Variants in NGEF observed in about 807,000 individuals in gnomAD.
The protein encoded by NGEF is ephexin-1.
Under a neutral mutation model 80.9 loss-of-function variants are expected in NGEF, and 31 were observed. That is an observed-to-expected ratio of 0.38 (90% CI 0.29 to 0.52). The LOEUF (loss-of-function observed/expected upper bound fraction) is 0.52, where lower values mean the gene tolerates loss of function less well. NGEF is among the 20% of genes least tolerant of loss of function. The pLI is 0.84. For synonymous variants in NGEF, 371 were observed against 370.2 expected, an observed-to-expected ratio of 1.00 and a Z score of -0.03; for missense variants, 709 against 926.2, an observed-to-expected ratio of 0.77 and a Z score of 3.04.
At chr2:232,891,596 G>A (rs1691887134) in intron 7 of NGEF, 109 bp from the exon 8 acceptor site, 8 of 1,249,892 alleles carry the variant, frequency 6.4e-6, no homozygotes, top group Non-Finnish European at 7.7e-6. Context: ...CACGGGCTCA[G>A]AAAACATGTT....
rs898133901 is a variant in NGEF, at chr2:232,959,562, G to A, written c.383+10652C>T. Among the ~76,000 whole-genome samples, 21 of 149,822 alleles carry A rather than the reference G, an allele frequency of 1.4e-4. No homozygotes were observed. In the East Asian group the frequency reaches 3.2e-3, roughly 23 times the overall value. ...ACATGAGCCATTGGTGGCAATGGGC[G>A]ATTCCACAGCAATGACCTTTTTTTT... is the stretch of plus-strand genomic sequence containing the variant. On this transcript the variant is annotated intron_variant, in intron 3 of 14. Transcript: ENST00000264051.
At chr2:232,970,945 G>A (rs952847600) in intron 2 of NGEF, among the ~76,000 whole-genome samples, 8 of 152,176 alleles carry the variant, frequency 5.3e-5, no homozygotes, top group Non-Finnish European at 1.0e-4. Flanking sequence ...AAACCATAAC[G>A]ATTGGTGTTA....
rs527868467 is a variant in NGEF, at chr2:233,000,746, C to T, written c.-75+12322G>A. Among the ~76,000 whole-genome samples the T allele has an allele frequency of 5.6e-5, 8 of 143,854 alleles. 1 individual carries two copies. In the South Asian group the frequency reaches 6.6e-4, roughly 12 times the overall value. 94.4% of individuals were successfully genotyped at this position (143,854 alleles called of 152,430 possible). A position where few individuals can be genotyped will look rare whatever the true frequency, so the allele number is the denominator to read the frequency against. ...CTGCACTCCAGCTCGGGCGACAGAGCGAGACTCTGTCTCAAAAAAAAAAAA... is the reference window on the plus strand; with the variant it reads ...CTGCACTCCAGCTCGGGCGACAGAGTGAGACTCTGTCTCAAAAAAAAAAAA... On this transcript the variant is annotated intron_variant, in intron 1 of 14. Transcript: ENST00000264051.
At position 232,970,273 on chromosome 2, in the gene NGEF, C is replaced by A; in HGVS notation, c.324G>T (p.Trp108Cys). 6.2e-7 allele frequency: 1 copy of A among 1,606,028 alleles called. No homozygotes were observed. The highest frequency in any genetic ancestry group is 2.3e-5 in the East Asian group (1 of 44,048). ...VNEPLTLNIP[W>C]SRMPPCRTAM... The stretch of plus-strand genomic sequence containing the variant: ...CTGTTCTGCAAGGAGGCATTCTGCT[C>A]CAGGGGATATTCAAGGTCAGGGGCT... Residue 108 changes from tryptophan to cysteine, a missense_variant, in exon 3 of 15, where the codon TGG becomes TGT. Physicochemically the swap from Trp to Cys is radical, Grantham distance 215. Transcript: ENST00000264051.
intron 8 of NGEF, among the ~76,000 whole-genome samples, chr2:232,888,644 C>T (rs1385438800): frequency 6.6e-6 from 1 of 152,110 alleles, no homozygotes; most frequent in African/African-American, 2.4e-5. Flanking sequence ...GTGTGGCACC[C>T]AGCAGTGAGG....
intron 1 of NGEF, among the ~76,000 whole-genome samples, chr2:232,994,150 A>T (rs1574658204): frequency 6.6e-6 from 1 of 152,102 alleles, no homozygotes; most frequent in Non-Finnish European, 1.5e-5. Context: ...TGGGTGGATC[A>T]CTTGAGGTAC....
chr2:232,961,206 A>G (rs1000951476), intron 3 of NGEF, among the ~76,000 whole-genome samples: 14 of 152,140 alleles, frequency 9.2e-5, no homozygotes, highest in Admixed American at 7.9e-4. Context: ...TGAAGGCTCT[A>G]AATCATTAAT....
At chr2:232,994,950 T>C (rs1167693622) in intron 1 of NGEF, among the ~76,000 whole-genome samples, 2 of 116,500 alleles carry the variant, frequency 1.7e-5, no homozygotes, top group Non-Finnish European at 3.8e-5. Context: ...ACACATATAA[T>C]ACATACATAT....
intron 4 of NGEF, 133 bp from the exon 5 acceptor site, chr2:232,920,718 C>A: frequency 1.4e-6 from 1 of 703,290 alleles, no homozygotes. Context: ...CAAGCCAGCC[C>A]TGCACCCATC....
chr2:232,924,096 G>A (rs939360989), intron 4 of NGEF, among the ~76,000 whole-genome samples: 1 of 152,092 alleles, frequency 6.6e-6, no homozygotes, highest in African/African-American at 2.4e-5. Context: ...AATTAGCTGG[G>A]TGTGTTGGCA....
At chr2:232,886,194 CTG>C (rs891015177) in intron 9 of NGEF, among the ~76,000 whole-genome samples, 2 of 74,446 alleles carry the variant, frequency 2.7e-5, no homozygotes, top group Non-Finnish European at 5.7e-5. Flanking sequence ...GCCATGTGTG[CTG>C]TGTGTGCTAT....
At chr2:232,898,900 G>A (rs1018406569) in intron 5 of NGEF, among the ~76,000 whole-genome samples, 1 of 152,212 alleles carries the variant, frequency 6.6e-6, no homozygotes, top group African/African-American at 2.4e-5. Flanking sequence ...GAGTGCATGT[G>A]TGGGAAATTG....
chr2:232,972,824 T>C (rs1368308096), intron 2 of NGEF, among the ~76,000 whole-genome samples: 7 of 151,020 alleles, frequency 4.6e-5, no homozygotes, highest in Non-Finnish European at 2.9e-5. Context: ...TGGCATGGTT[T>C]TGGTTCACTG....
chr2:233,004,168 C>T (rs1695039337), intron 1 of NGEF, among the ~76,000 whole-genome samples: 1 of 152,132 alleles, frequency 6.6e-6, no homozygotes, highest in Non-Finnish European at 1.5e-5. Flanking sequence ...TACCCAAGGT[C>T]CTTGAGAAAG....
At chr2:232,880,770 A>ACAGGTCTGGGTCAGGTCTGGGT (rs1553543267) in intron 14 of NGEF, among the ~76,000 whole-genome samples, 1 of 150,624 alleles carries the variant, frequency 6.6e-6, no homozygotes, top group African/African-American at 2.4e-5. Flanking sequence ...AGCTGCAAGT[A>ACAGGTCTGGGTCAGGTCTGGGT]CAGGTCTGGG....
At chr2:232,976,449 C>T (rs2106325067) in intron 1 of NGEF, among the ~76,000 whole-genome samples, 1 of 152,264 alleles carries the variant, frequency 6.6e-6, no homozygotes, top group South Asian at 2.1e-4. Flanking sequence ...GGCAGGTGGT[C>T]TGGCAGAATA....
intron 3 of NGEF, among the ~76,000 whole-genome samples, chr2:232,927,558 C>T (rs368042196): frequency 8.5e-4 from 129 of 152,260 alleles, no homozygotes; most frequent in African/African-American, 3.1e-3. Context: ...CACTCGACCC[C>T]CGGCCCCTTT....
chr2:232,924,356 C>T (rs1018194838), intron 4 of NGEF, among the ~76,000 whole-genome samples: 1 of 152,154 alleles, frequency 6.6e-6, no homozygotes, highest in Non-Finnish European at 1.5e-5. Context: ...GATAGCCAGC[C>T]CTCAGCAGAC....
chr2:232,969,478 TTCCTTCCTTCC>T (rs1694140994), intron 3 of NGEF, among the ~76,000 whole-genome samples: 1 of 100,500 alleles, frequency 1.0e-5, no homozygotes, highest in Non-Finnish European at 2.0e-5. Context: ...TCCTTCTTCC[TTCCTTCCTTCC>T]TCCCTCCCTC....
Sources: gnomAD v4.1 joint callset for allele counts (sites outside exome capture counted in the v4.1 genomes callset) on GRCh38, gnomAD v4.1.1 for gene constraint, MANE v1.5 for transcripts, NCBI Gene and HGNC (gene_info 2026-07-23, HGNC 2026-07-21) for gene names.